The following NDEL1 variants were observed in gnomAD, a reference collection of about 807,000 sequenced individuals.
NDEL1 encodes nudE neurodevelopment protein 1 like 1, also known as nuclear distribution protein nudE-like 1.
NDEL1 carries 9 observed loss-of-function variants against 45.7 expected under a neutral mutation model. That is an observed-to-expected ratio of 0.20 (90% CI 0.12 to 0.34). The LOEUF is 0.34. Among genes scored for constraint, NDEL1 ranks in the 10% least tolerant of loss-of-function variants. The pLI, the probability that NDEL1 is intolerant of heterozygous loss-of-function variation, is 1.00. For synonymous variants in NDEL1, 133 were observed against 158.6 expected (o/e 0.84, Z 1.21); for missense variants, 306 against 406.2 (o/e 0.75, Z 2.12).
chr17:8,451,231 C>T (rs903669908), intron 6 of NDEL1, among the ~76,000 whole-genome samples: 6 of 151,724 alleles, frequency 4.0e-5, no homozygotes, highest in South Asian at 4.2e-4. Flanking sequence ...TGATTACAGC[C>T]GTATGTTTAG....
At chr17:8,471,379 G>GC (rs1296620456), downstream of NDEL1, among the ~76,000 whole-genome samples, 2 of 152,220 alleles carry the variant, frequency 1.3e-5, no homozygotes, top group Non-Finnish European at 2.9e-5. Context: ...CAGGAGTCGG[G>GC]CAATGACACC....
rs997527029 is a variant in NDEL1, at chr17:8,468,061, C to T, written c.*1038C>T. 7 of 152,524 alleles carry T rather than the reference C, an allele frequency of 4.6e-5. No individual in the cohort carries two copies. Among genetic ancestry groups the T allele is most frequent in the African/African-American group, 1.4e-4 (6 of 41,394 alleles). 9.4% of individuals were successfully genotyped at this position (152,524 alleles called of 1,614,324 possible). A position where few individuals can be genotyped will look rare whatever the true frequency, so the allele number is the denominator to read the frequency against. On this transcript the variant is annotated 3_prime_UTR_variant, in exon 9 of 9. Coordinates refer to ENST00000334527, the MANE Select transcript of NDEL1 (RefSeq NM_030808.5). ...GCATGTTAATGACTCTGATGGTGTC[C>T]TCCTCTGGGCAGCTGTATAGGATCA...
chr17:8,417,405 A>G (rs1164717391), intron 1 of NDEL1, among the ~76,000 whole-genome samples: 1 of 152,138 alleles, frequency 6.6e-6, no homozygotes, highest in African/African-American at 2.4e-5. Flanking sequence ...TATGGATTAT[A>G]TTGAAGCCCT....
At chr17:8,428,621 C>T (rs944039925) in intron 1 of NDEL1, among the ~76,000 whole-genome samples, 3 of 151,950 alleles carry the variant, frequency 2.0e-5, no homozygotes, top group Non-Finnish European at 4.4e-5. Flanking sequence ...CCCTGGCCTC[C>T]CAAAGTGCTG....
chr17:8,459,071 G>T (rs978955790), intron 7 of NDEL1, among the ~76,000 whole-genome samples: 1 of 152,116 alleles, frequency 6.6e-6, no homozygotes, highest in African/African-American at 2.4e-5. Flanking sequence ...GAAATGTGGG[G>T]GGAGGAGGTC....
At chr17:8,471,005 C>T (rs1911820987), downstream of NDEL1, among the ~76,000 whole-genome samples, 1 of 152,176 alleles carries the variant, frequency 6.6e-6, no homozygotes, top group Admixed American at 6.5e-5. Flanking sequence ...TAGGGAGCAC[C>T]CGGTAGCCAG....
chr17:8,467,341 C>T lies in NDEL1; in HGVS notation c.*318C>T. On this transcript the variant is annotated 3_prime_UTR_variant, in exon 9 of 9. Coordinates refer to ENST00000334527, the MANE Select transcript of NDEL1 (RefSeq NM_030808.5). This position sits in a 1 kb window ranked among gnomAD's most constrained non-coding sequence, Gnocchi z 6.3. ...AAGTACCCATTCATCACACCTGCCCCATAGCCCCCACTCTGCTGTACTGAT... is the reference window on the plus strand; with the variant it reads ...AAGTACCCATTCATCACACCTGCCCTATAGCCCCCACTCTGCTGTACTGAT... 1 of 541,428 alleles carries T rather than the reference C, an allele frequency of 1.8e-6. No individual in the cohort carries two copies. Among genetic ancestry groups the T allele is most frequent in the Non-Finnish European group, 3.2e-6 (1 of 308,018 alleles). The allele number at this position is 541,428 out of a possible 1,614,324, so 33.5% of individuals were successfully genotyped here.
intron 1 of NDEL1, among the ~76,000 whole-genome samples, chr17:8,413,661 G>A (rs1288180621): frequency 6.6e-6 from 1 of 152,224 alleles, no homozygotes; most frequent in Non-Finnish European, 1.5e-5. Context: ...GCCATGCTGA[G>A]CTGACCAAGT....
chr17:8,432,376 TGGC>T (rs1909038411), upstream of NDEL1, among the ~76,000 whole-genome samples: 1 of 134,830 alleles, frequency 7.4e-6, no homozygotes, highest in Non-Finnish European at 1.6e-5. Context: ...ATATATTTAA[TGGC>T]AGGCCAATAT....
chr17:8,438,237 G>A (rs1567726839), intron 1 of NDEL1, among the ~76,000 whole-genome samples: 2 of 152,186 alleles, frequency 1.3e-5, no homozygotes, highest in African/African-American at 2.4e-5. Context: ...GATTACAGGC[G>A]TGAGCCACCG....
intron 1 of NDEL1, among the ~76,000 whole-genome samples, chr17:8,438,179 G>A (rs561539371): frequency 1.3e-5 from 2 of 152,200 alleles, no homozygotes; most frequent in South Asian, 2.1e-4. Context: ...GGCTGGTCTC[G>A]AACTCCTCAC....
rs771701727 is a variant in NDEL1, at chr17:8,463,315, A to G, written c.944+3155A>G. ...TGTTTAATATGTTCTCCTTTCTTTT[A>G]TTAGGCAAGAAAAAGTCATATTTCC... On this transcript the variant is annotated intron_variant, in intron 8 of 8. Transcript: ENST00000334527. 1.1e-5 allele frequency: 17 copies of G among 1,610,644 alleles called. No homozygotes were observed. The Admixed American group carries it at 2.2e-4, about 21-fold the overall frequency.
chr17:8,445,984 G>T, intron 3 of NDEL1, 120 bp downstream of exon 3: 1 of 1,011,194 alleles, frequency 9.9e-7, no homozygotes, highest in Non-Finnish European at 1.3e-6. Context: ...AACGCTTAAA[G>T]TGAATTTTTG....
intron 1 of NDEL1, among the ~76,000 whole-genome samples, chr17:8,428,026 T>G (rs972773785): frequency 5.9e-5 from 9 of 152,212 alleles, no homozygotes; most frequent in African/African-American, 1.9e-4. Context: ...GAAGCCCTAT[T>G]TTCACTCAGG....
intron 1 of NDEL1, among the ~76,000 whole-genome samples, chr17:8,421,665 G>A (rs920072362): frequency 6.6e-6 from 1 of 152,176 alleles, no homozygotes; most frequent in Admixed American, 6.5e-5. Context: ...CCAGGCTTGT[G>A]GTAATTATAG....
intron 1 of NDEL1, among the ~76,000 whole-genome samples, chr17:8,437,665 T>C (rs952638239): frequency 2.6e-5 from 4 of 152,190 alleles, no homozygotes; most frequent in Non-Finnish European, 2.9e-5. Context: ...AGGCATATAT[T>C]GCCAACAGTG....
chr17:8,424,784 G>T (rs972480207), intron 1 of NDEL1, among the ~76,000 whole-genome samples: 1 of 149,686 alleles, frequency 6.7e-6, no homozygotes, highest in African/African-American at 2.5e-5. Flanking sequence ...GATTACAGGC[G>T]TGAGCCACCG....
chr17:8,422,787 A>T (rs1185259060), intron 1 of NDEL1, among the ~76,000 whole-genome samples: 1 of 150,336 alleles, frequency 6.7e-6, no homozygotes, highest in Non-Finnish European at 1.5e-5. Context: ...CCCAGGCTGG[A>T]GTGCAATGGT....
At chr17:8,471,252 G>A (rs1180861871), downstream of NDEL1, among the ~76,000 whole-genome samples, 5 of 152,264 alleles carry the variant, frequency 3.3e-5, no homozygotes, top group Non-Finnish European at 7.3e-5. Context: ...CGAGGTTCAA[G>A]CGATTCTCCT....
Sources: allele counts gnomAD v4.1 joint callset (sites outside exome capture counted in the v4.1 genomes callset), GRCh38; gene constraint gnomAD v4.1.1; non-coding constraint Gnocchi (gnomAD v3.1); transcripts MANE v1.5; gene names NCBI Gene and HGNC (gene_info 2026-07-23, HGNC 2026-07-21).